The following TBC1D31 variants were observed in gnomAD, a reference collection of about 807,000 sequenced individuals.
TBC1D31 encodes the protein WD repeat domain 67.
TBC1D31 carries 99 observed loss-of-function variants against 132.9 expected under a neutral mutation model. The ratio of observed to expected loss-of-function variants is 0.74; its 90% CI spans 0.63 to 0.88. The LOEUF (loss-of-function observed/expected upper bound fraction) is 0.88. Ranked by LOEUF, TBC1D31 falls within the 40% of genes least tolerant of loss-of-function variation. TBC1D31 has a pLI of 0.00. For missense variants in TBC1D31, 1,134 were observed against 1,256.6 expected (o/e 0.90, Z 1.48); for synonymous variants, 385 against 419.4 (o/e 0.92, Z 1.00).
chr8:123,077,293 A>C (rs1814629799), intron 2 of TBC1D31, 36 bp downstream of exon 2: 1 of 1,546,720 alleles, frequency 6.5e-7, no homozygotes, highest in East Asian at 2.3e-5. Flanking sequence ...GTTCTTTAAC[A>C]AGTTATTAAT....
chr8:123,092,547 G>A (rs1383129966), intron 4 of TBC1D31, among the ~76,000 whole-genome samples: 1 of 152,064 alleles, frequency 6.6e-6, no homozygotes, highest in Non-Finnish European at 1.5e-5. Context: ...TGAAAGTATA[G>A]GGAAAAGACA....
At chr8:123,126,005 G>C (rs1182041596) in intron 11 of TBC1D31, 51 bp from the exon 12 acceptor site, 1 of 1,430,324 alleles carries the variant, frequency 7.0e-7, no homozygotes, top group Non-Finnish European at 9.3e-7. Flanking sequence ...AAAGAGTTTT[G>C]ATAACATGGA....
intron 3 of TBC1D31, chr8:123,083,592 A>ACCATC (rs1183917007): frequency 6.6e-6 from 1 of 152,252 alleles, no homozygotes; most frequent in Non-Finnish European, 1.5e-5. Context: ...TAACAGTATC[A>ACCATC]CCATCTGCTT....
At chr8:123,153,362 G>A (rs186361315), downstream of TBC1D31, among the ~76,000 whole-genome samples, 12 of 152,200 alleles carry the variant, frequency 7.9e-5, no homozygotes, top group African/African-American at 2.9e-4. Flanking sequence ...GGTCTCTTTT[G>A]CAGCTACACA....
chr8:123,144,843 C>G lies in TBC1D31; in HGVS notation c.2962C>G (p.Pro988Ala), dbSNP rs781265834. 8.1e-6 allele frequency: 13 copies of G among 1,612,134 alleles called. No homozygotes were observed. In the Admixed American group the frequency reaches 1.3e-4, roughly 17 times the overall value. The change falls in exon 20 of 22, where the codon CCA becomes GCA. Residue 988 changes from proline to alanine, a missense_variant. Transcript: ENST00000287380. The part of the protein sequence containing the change: ...INAAVEHAEN[P>A]CHKEEPRFQN... ...TGCGGCTGTAGAACATGCTGAAAAT[C>G]CATGTCATAAAGGTGAGTGTCTGAG...
chr8:123,144,979 A>G (rs1822053624), intron 20 of TBC1D31, 124 bp downstream of exon 20: 3 of 893,910 alleles, frequency 3.4e-6, no homozygotes, highest in Admixed American at 6.2e-5. Context: ...GCTGGAGTGT[A>G]GTGATGCAAT....
At chr8:123,148,687 C>T (rs1586748350) in intron 20 of TBC1D31, among the ~76,000 whole-genome samples, 1 of 152,280 alleles carries the variant, frequency 6.6e-6, no homozygotes, top group Middle Eastern at 3.4e-3. Flanking sequence ...CTGGGAAGCT[C>T]GTGACCTTAT....
At chr8:123,098,648 C>A (rs1276159887) in intron 6 of TBC1D31, among the ~76,000 whole-genome samples, 1 of 152,222 alleles carries the variant, frequency 6.6e-6, no homozygotes, top group Non-Finnish European at 1.5e-5. Context: ...TTCTTTTTCA[C>A]AACTGCATAG....
intron 12 of TBC1D31, 28 bp downstream of exon 12, chr8:123,126,217 C>A (rs747446849): frequency 1.3e-6 from 2 of 1,587,710 alleles, no homozygotes; most frequent in Non-Finnish European, 1.7e-6. Context: ...TTTAGAATAA[C>A]ATGCCTTATT....
At chr8:123,083,020 G>A (rs1385084357) in intron 3 of TBC1D31, 3 of 509,724 alleles carry the variant, frequency 5.9e-6, no homozygotes, top group Non-Finnish European at 7.0e-6. Flanking sequence ...ACTACTGTCA[G>A]GTTTGATAAT....
intron 20 of TBC1D31, among the ~76,000 whole-genome samples, chr8:123,145,871 C>CTTTTT (rs57816964): frequency 1.5e-5 from 2 of 133,516 alleles, no homozygotes; most frequent in Admixed American, 7.6e-5. Context: ...TTCTCTTTTT[C>CTTTTT]TTTTTTTTTT....
chr8:123,145,317 AG>A (rs1822091869), intron 20 of TBC1D31, among the ~76,000 whole-genome samples: 1 of 152,136 alleles, frequency 6.6e-6, no homozygotes, highest in African/African-American at 2.4e-5. Flanking sequence ...TTGGTGGGAA[AG>A]GGTGGGCTGA....
chr8:123,156,401 G>A (rs960511958), downstream of TBC1D31, among the ~76,000 whole-genome samples: 5 of 144,844 alleles, frequency 3.5e-5, no homozygotes, highest in South Asian at 2.2e-4. Context: ...AGACCATGCC[G>A]CTACAGTCCA....
intron 17 of TBC1D31, among the ~76,000 whole-genome samples, chr8:123,134,473 A>G (rs1276866019): frequency 2.0e-5 from 3 of 152,008 alleles, no homozygotes; most frequent in African/African-American, 7.3e-5. Flanking sequence ...GCTGCAGTGA[A>G]CCATAATCAC....
intron 20 of TBC1D31, 144 bp downstream of exon 20, chr8:123,144,999 G>A: frequency 1.4e-6 from 1 of 716,398 alleles, no homozygotes; most frequent in South Asian, 2.4e-5. Context: ...TCATGGCTCA[G>A]TGCAGCCTCG....
In TBC1D31 at chr8:123,084,151, T is replaced by C; in HGVS notation, c.341-11T>C. On this transcript the variant is annotated splice_polypyrimidine_tract_variant and intron_variant, in intron 3 of 21. Coordinates refer to ENST00000287380, the MANE Select transcript of TBC1D31 (RefSeq NM_145647.4). ...GTTTTACCTGGGTAACAATTTTACT[T>C]TTTACCACAGTCACCAAGGAGCTAG... 2 of 1,613,072 alleles carry C rather than the reference T, an allele frequency of 1.2e-6. No individual in the cohort carries two copies. Among genetic ancestry groups the C allele is most frequent in the Non-Finnish European group, 1.7e-6 (2 of 1,179,568 alleles).
chr8:123,127,668 T>C (rs934866206), intron 13 of TBC1D31, among the ~76,000 whole-genome samples: 13 of 152,182 alleles, frequency 8.5e-5, no homozygotes, highest in African/African-American at 3.1e-4. Flanking sequence ...TCTGAATGCT[T>C]ATTACACATG....
intron 2 of TBC1D31, among the ~76,000 whole-genome samples, chr8:123,078,850 C>A (rs1814824305): frequency 6.6e-6 from 1 of 151,844 alleles, no homozygotes; most frequent in Admixed American, 6.6e-5. Context: ...AGTACCCCCC[C>A]ACAAAATACT....
intron 5 of TBC1D31, 100 bp from the exon 6 acceptor site, chr8:123,097,182 A>G (rs1398655894): frequency 4.6e-6 from 6 of 1,307,548 alleles, no homozygotes; most frequent in Non-Finnish European, 6.4e-6. Context: ...ATTGCATAGC[A>G]TAGACACAGT....
Sources: gnomAD v4.1 joint callset for allele counts (sites outside exome capture counted in the v4.1 genomes callset) on GRCh38, gnomAD v4.1.1 for gene constraint, MANE v1.5 for transcripts, NCBI Gene and HGNC (gene_info 2026-07-23, HGNC 2026-07-21) for gene names.